Variants in ARID1B observed in about 807,000 individuals in gnomAD.
The protein encoded by ARID1B is AT-rich interactive domain-containing protein 1B.
In ARID1B, 30 loss-of-function variants were observed where a neutral mutation model predicts 212.3. The ratio of observed to expected loss-of-function variants is 0.14; its 90% confidence interval spans 0.11 to 0.19. The LOEUF is 0.19. Among genes scored for constraint, ARID1B ranks in the 10% least tolerant of loss-of-function variants. ARID1B has a pLI of 1.00. For missense variants in ARID1B, 2,891 were observed against 3,204.0 expected, an observed-to-expected ratio of 0.90 and a Z score of 2.36; for synonymous variants, 1,402 against 1,301.7, an observed-to-expected ratio of 1.08 and a Z score of -1.66.
intron 4 of ARID1B, among the ~76,000 whole-genome samples, chr6:156,997,624 G>A (rs1342860431): frequency 6.6e-6 from 1 of 150,750 alleles, no homozygotes; most frequent in Non-Finnish European, 1.5e-5. Flanking sequence ...GTGGGAAGTA[G>A]TAGAGCTGAG....
At position 156,935,469 on chromosome 6, in the gene ARID1B, A is replaced by T; in HGVS notation, c.2140A>T (p.Met714Leu). 6.2e-7 allele frequency: 1 copy of T among 1,609,994 alleles called. No individual in the cohort carries two copies. Among genetic ancestry groups the T allele is most frequent in the South Asian group, 1.1e-5 (1 of 90,514 alleles). Residue 714 changes from methionine (M) to leucine (L), a missense_variant, in exon 4 of 20, where the codon ATG becomes TTG. Physicochemically the swap from Met to Leu is conservative, Grantham distance 15. Coordinates refer to ENST00000636930, the MANE Select transcript of ARID1B (RefSeq NM_001374828.1). Reference sequence around the variant, plus strand: ...TTGTGTTTGTGTTTTTTTTTAGGACATGTCTCAGGAAGGCTATGGAACTAG... The same window carrying T: ...TTGTGTTTGTGTTTTTTTTTAGGACTTGTCTCAGGAAGGCTATGGAACTAG... ...SQQRYQPQQDMSQEGYGTRSQ... is the reference protein window; with the variant it reads ...SQQRYQPQQDLSQEGYGTRSQ...
At chr6:157,149,070 G>T in intron 8 of ARID1B, 119 bp downstream of exon 8, 2 of 1,046,314 alleles carry the variant, frequency 1.9e-6, no homozygotes, top group Non-Finnish European at 2.7e-6. Context: ...ATGTCACTGT[G>T]CTTGGCCGTT....
chr6:156,969,512 A>T (rs1380833142), intron 4 of ARID1B, among the ~76,000 whole-genome samples: 1 of 152,228 alleles, frequency 6.6e-6, no homozygotes, highest in Non-Finnish European at 1.5e-5. Flanking sequence ...AACACATGGT[A>T]GACATGGCGA....
At chr6:157,146,754 G>A (rs939164470) in intron 7 of ARID1B, among the ~76,000 whole-genome samples, 7 of 152,168 alleles carry the variant, frequency 4.6e-5, no homozygotes, top group Non-Finnish European at 4.4e-5. Flanking sequence ...CTGGAATGTA[G>A]TAAGTGTATA....
intron 9 of ARID1B, chr6:157,169,468 T>C (rs530481957): frequency 6.6e-6 from 1 of 152,360 alleles, no homozygotes; most frequent in South Asian, 2.1e-4. Context: ...GTGACAACTA[T>C]TTCTTCACTT....
intron 4 of ARID1B, among the ~76,000 whole-genome samples, chr6:156,982,684 T>C (rs1777677996): frequency 6.6e-6 from 1 of 152,128 alleles, no homozygotes; most frequent in South Asian, 2.1e-4. Flanking sequence ...TAAATTATCT[T>C]GTTTTTCTCT....
intron 4 of ARID1B, among the ~76,000 whole-genome samples, chr6:157,017,386 G>C (rs1466682149): frequency 6.6e-6 from 1 of 152,190 alleles, no homozygotes; most frequent in Non-Finnish European, 1.5e-5. Flanking sequence ...ATCTATTGGG[G>C]ACCACAGGAA....
At chr6:156,848,154 T>C (rs1784347506) in intron 2 of ARID1B, among the ~76,000 whole-genome samples, 1 of 152,240 alleles carries the variant, frequency 6.6e-6, no homozygotes, top group South Asian at 2.1e-4. Context: ...CGATTAATAC[T>C]TATGAACCCA....
chr6:157,186,510 G>A (rs987985883), intron 13 of ARID1B: 23 of 471,068 alleles, frequency 4.9e-5, no homozygotes, highest in Non-Finnish European at 9.2e-5. Context: ...GAAGCCTCTC[G>A]ATTCACTGCC....
At chr6:156,940,699 A>G in intron 4 of ARID1B, 1 of 152,232 alleles carries the variant, frequency 6.6e-6, no homozygotes, top group East Asian at 1.9e-4. Flanking sequence ...GGTTAGTGGC[A>G]AAAGGTCATG....
Position 156,777,956 on chromosome 6 carries a change from C to T in ARID1B, c.276C>T (p.Ala92=), listed in dbSNP as rs1778750756. Residue 92 remains alanine (A), a synonymous_variant, in exon 1 of 20, where the codon GCC becomes GCT. Coordinates refer to ENST00000636930, the MANE Select transcript of ARID1B (RefSeq NM_001374828.1). Reference sequence around the variant, plus strand: ...TGGCCCATAACGCGGGCGCCGCGGCCGCCGCCGGCACCCACAGCGCCAAGA... The same window carrying T: ...TGGCCCATAACGCGGGCGCCGCGGCTGCCGCCGGCACCCACAGCGCCAAGA... ...LNMAHNAGAA[A]AAGTHSAKSG... 7 of 1,529,682 alleles carry T rather than the reference C, an allele frequency of 4.6e-6. No individual in the cohort carries two copies. The highest frequency in any genetic ancestry group is 5.2e-6 in the Non-Finnish European group (6 of 1,144,650). The allele number at this position is 1,529,682 out of a possible 1,614,324, so 94.8% of individuals were successfully genotyped here.
intron 2 of ARID1B, among the ~76,000 whole-genome samples, chr6:156,851,746 C>G (rs1784592475): frequency 6.6e-6 from 1 of 152,188 alleles, no homozygotes; most frequent in Non-Finnish European, 1.5e-5. Flanking sequence ...ATTTATTGGT[C>G]GAGTGCTTCA....
chr6:157,040,070 C>T (rs973779997), intron 4 of ARID1B, among the ~76,000 whole-genome samples: 1 of 152,024 alleles, frequency 6.6e-6, no homozygotes, highest in Non-Finnish European at 1.5e-5. Flanking sequence ...CTGCCTCAGC[C>T]TCCTGAGTAG....
chr6:156,857,662 G>C (rs1339140504), intron 2 of ARID1B, among the ~76,000 whole-genome samples: 1 of 152,216 alleles, frequency 6.6e-6, no homozygotes, highest in East Asian at 1.9e-4. Context: ...ATAGTGTTCT[G>C]TTCCTAACTG....
intron 2 of ARID1B, among the ~76,000 whole-genome samples, chr6:156,861,108 A>G (rs1785302390): frequency 6.6e-6 from 1 of 152,226 alleles, no homozygotes; most frequent in Admixed American, 6.5e-5. Flanking sequence ...AGGTAGACAG[A>G]GGAGCCTTTG....
intron 4 of ARID1B, among the ~76,000 whole-genome samples, chr6:157,073,480 T>TTA (rs1247749957): frequency 6.6e-6 from 1 of 152,220 alleles, no homozygotes; most frequent in Non-Finnish European, 1.5e-5. Context: ...GTATTTTACC[T>TTA]TATAAGCAGT....
intron 5 of ARID1B, among the ~76,000 whole-genome samples, chr6:157,106,191 CCCAGGACAGTGTGT>C (rs1361298779): frequency 4.6e-5 from 7 of 152,056 alleles, no homozygotes; most frequent in Admixed American, 6.5e-5. Context: ...TGCTGGGGAG[CCCAGGACAGTGTGT>C]CCAGGACAGC....
intron 4 of ARID1B, among the ~76,000 whole-genome samples, chr6:156,966,371 C>CTTTTCTTTTCTTTTCTTTTCTT: frequency 5.8e-5 from 7 of 120,880 alleles, no homozygotes; most frequent in African/African-American, 2.4e-4. Flanking sequence ...ACATAAATAA[C>CTTTTCTTTTCTTTTCTTTTCTT]TTTTCTTTTC....
chr6:157,038,271 G>C (rs1183463231), intron 4 of ARID1B, among the ~76,000 whole-genome samples: 1 of 152,122 alleles, frequency 6.6e-6, no homozygotes, highest in Non-Finnish European at 1.5e-5. Context: ...AGAACACCAG[G>C]TATTGGTGAT....
Sources: gnomAD v4.1 joint callset for allele counts (sites outside exome capture counted in the v4.1 genomes callset) on GRCh38, gnomAD v4.1.1 for gene constraint, MANE v1.5 for transcripts, NCBI Gene and HGNC (gene_info 2026-07-23, HGNC 2026-07-21) for gene names.